DNER: variants seen among roughly 807,000 people sequenced by gnomAD.
DNER encodes delta/notch like EGF repeat containing, also known as delta and Notch-like epidermal growth factor-related receptor.
In DNER, 33 loss-of-function variants were observed where a neutral mutation model predicts 78.2. That is an observed-to-expected ratio of 0.42 (90% confidence interval 0.32 to 0.56). The LOEUF (loss-of-function observed/expected upper bound fraction) is 0.56. Ranked by LOEUF, DNER falls within the 20% of genes least tolerant of loss-of-function variation. The pLI is 0.11. For synonymous variants in DNER, 417 were observed against 384.8 expected, an observed-to-expected ratio of 1.08 and a Z score of -0.98; for missense variants, 918 against 975.3, an observed-to-expected ratio of 0.94 and a Z score of 0.78.
At chr2:229,665,084 T>G (rs1699066201) in intron 1 of DNER, among the ~76,000 whole-genome samples, 1 of 152,148 alleles carries the variant, frequency 6.6e-6, no homozygotes, top group Admixed American at 6.6e-5. Flanking sequence ...CAATATAAAC[T>G]TCATTAGGGC....
intron 4 of DNER, among the ~76,000 whole-genome samples, chr2:229,563,335 C>T (rs1208469886): frequency 1.4e-5 from 2 of 143,356 alleles, no homozygotes; most frequent in African/African-American, 5.2e-5. Flanking sequence ...CACACCATGA[C>T]CATCATCATC....
chr2:229,561,106 C>G (rs1300494132), intron 4 of DNER, among the ~76,000 whole-genome samples: 1 of 152,118 alleles, frequency 6.6e-6, no homozygotes, highest in South Asian at 2.1e-4. Flanking sequence ...GAGCAAATTG[C>G]TTTTTGGAAA....
In DNER at chr2:229,547,062, A is replaced by G. The variant is rs978048691; in HGVS notation, c.878T>C (p.Ile293Thr). The G allele has an allele frequency of 3.7e-6, 6 of 1,614,050 alleles. No homozygotes were observed. Among genetic ancestry groups the G allele is most frequent in the Non-Finnish European group, 5.1e-6 (6 of 1,180,018 alleles). ...GFVNDSVTKS[I>T]VALRLTLVVK... is the part of the protein sequence containing the mutation. ...CACCAGAGTTAAGCGCAAAGCCACA[A>G]TAGACTTAGTCACAGAATCATTCAC... The change falls in exon 5 of 13, where the codon ATT becomes ACT. Residue 293 changes from isoleucine (I) to threonine (T), a missense_variant. Coordinates refer to ENST00000341772, the MANE Select transcript of DNER (RefSeq NM_139072.4).
intron 6 of DNER, among the ~76,000 whole-genome samples, chr2:229,484,056 TTGGAGAGA>T (rs61243403): frequency 0.12 from 18,957 of 152,122 alleles, 1,307 homozygotes; most frequent in South Asian, 0.2. Flanking sequence ...TCTGCCTTGT[TTGGAGAGA>T]AACCTCTGGA....
chr2:229,393,773 G>A (rs894073501), intron 10 of DNER, among the ~76,000 whole-genome samples: 3 of 152,074 alleles, frequency 2.0e-5, no homozygotes, highest in Admixed American at 6.5e-5. Flanking sequence ...CGTGAACCTG[G>A]GAGTTGGAGC....
chr2:229,528,120 A>G (rs1696240155), intron 5 of DNER, among the ~76,000 whole-genome samples: 1 of 152,248 alleles, frequency 6.6e-6, no homozygotes, highest in Non-Finnish European at 1.5e-5. Flanking sequence ...CCAAGAGGGA[A>G]ATTAGACATG....
intron 1 of DNER, among the ~76,000 whole-genome samples, chr2:229,689,120 A>G (rs1447767154): frequency 6.6e-6 from 1 of 152,222 alleles, no homozygotes; most frequent in East Asian, 1.9e-4. Flanking sequence ...AAACCTGCAC[A>G]CTGCACATGT....
chr2:229,364,941 C>T (rs745728925), intron 12 of DNER, among the ~76,000 whole-genome samples: 2 of 148,258 alleles, frequency 1.3e-5, no homozygotes, highest in Non-Finnish European at 3.0e-5. Context: ...ACCTCCACCT[C>T]GTGGGTTCAA....
At chr2:229,476,197 G>A (rs1695032396) in intron 7 of DNER, among the ~76,000 whole-genome samples, 1 of 152,134 alleles carries the variant, frequency 6.6e-6, no homozygotes, top group Non-Finnish European at 1.5e-5. Flanking sequence ...TGAGCAGGAA[G>A]ACAAGAACCT....
At chr2:229,572,241 A>G (rs979495502) in intron 4 of DNER, among the ~76,000 whole-genome samples, 2 of 152,140 alleles carry the variant, frequency 1.3e-5, no homozygotes, top group African/African-American at 4.8e-5. Flanking sequence ...CGAGTTCTAA[A>G]GCCTTCACTT....
intron 1 of DNER, among the ~76,000 whole-genome samples, chr2:229,661,982 T>C (rs771809661): frequency 7.2e-5 from 11 of 152,194 alleles, no homozygotes; most frequent in Non-Finnish European, 1.3e-4. Context: ...AGGATTTTCT[T>C]GTCCATAACA....
chr2:229,495,738 G>A (rs1037253458), intron 6 of DNER, among the ~76,000 whole-genome samples: 27 of 152,186 alleles, frequency 1.8e-4, no homozygotes, highest in Admixed American at 1.4e-3. Flanking sequence ...CTCGGCACCC[G>A]CTGGCCCAGT....
At chr2:229,703,450 CAA>C (rs1185236431) in intron 1 of DNER, among the ~76,000 whole-genome samples, 1 of 152,040 alleles carries the variant, frequency 6.6e-6, no homozygotes, top group Non-Finnish European at 1.5e-5. Flanking sequence ...CATGAGAAAA[CAA>C]GAGGGGATTT....
In DNER at chr2:229,694,514, G is replaced by T. The variant is rs993726882; in HGVS notation, c.276+19634C>A. Among the ~76,000 whole-genome samples, 17 of 152,188 alleles carry T rather than the reference G, an allele frequency of 1.1e-4. 1 individual carries two copies. The highest frequency in any genetic ancestry group is 1.1e-3 in the Admixed American group (17 of 15,276). ...GGGGCTATACCCTGCAAAGTCACAG[G>T]GTCAGAGTGGCCCAAGGCCATGGAA... On this transcript the variant is annotated intron_variant, in intron 1 of 12. Transcript: ENST00000341772.
intron 11 of DNER, among the ~76,000 whole-genome samples, chr2:229,387,344 G>A (rs528820618): frequency 9.2e-5 from 14 of 152,172 alleles, no homozygotes; most frequent in African/African-American, 3.4e-4. Flanking sequence ...GGAGCTAGGG[G>A]AGGCATAGCA....
At chr2:229,678,942 T>C (rs555454874) in intron 1 of DNER, among the ~76,000 whole-genome samples, 3 of 152,330 alleles carry the variant, frequency 2.0e-5, no homozygotes, top group Admixed American at 2.0e-4. Context: ...CTACATGCTG[T>C]TGAACAGATG....
chr2:229,378,610 T>C (rs1404209447), intron 11 of DNER, among the ~76,000 whole-genome samples: 1 of 152,216 alleles, frequency 6.6e-6, no homozygotes, highest in Non-Finnish European at 1.5e-5. Context: ...TGTAGCTATG[T>C]GGGCCATGGT....
chr2:229,437,382 GC>G (rs751314521), intron 8 of DNER, among the ~76,000 whole-genome samples: 44 of 152,330 alleles, frequency 2.9e-4, no homozygotes, highest in Middle Eastern at 6.8e-3. Context: ...TTCACAGTGT[GC>G]TTTCAAACTG....
intron 1 of DNER, among the ~76,000 whole-genome samples, chr2:229,633,261 C>A (rs1284526708): frequency 1.3e-5 from 2 of 152,006 alleles, no homozygotes; most frequent in Non-Finnish European, 2.9e-5. Context: ...AAACAGAAGC[C>A]CCCTCTAAAA....
Sources: allele counts gnomAD v4.1 joint callset (sites outside exome capture counted in the v4.1 genomes callset), GRCh38; gene constraint gnomAD v4.1.1; transcripts MANE v1.5; gene names NCBI Gene and HGNC (gene_info 2026-07-23, HGNC 2026-07-21).